ARL9: variants seen among roughly 807,000 people sequenced by gnomAD.
ARL9 encodes ARF like GTPase 9.
A neutral mutation model predicts 27.0 loss-of-function variants in ARL9; 14 were observed. The observed-to-expected ratio is 0.52, with a 90% CI of 0.34 to 0.81. The LOEUF is 0.81. ARL9 is among the 30% of genes least tolerant of loss of function. The pLI, the probability that ARL9 is intolerant of heterozygous loss-of-function variation, is 0.01. For missense variants in ARL9, 294 were observed against 290.0 expected, an observed-to-expected ratio of 1.01 and a Z score of -0.10; for synonymous variants, 106 against 108.7, an observed-to-expected ratio of 0.98 and a Z score of 0.15.
chr4:56,508,536 G>A (rs1432293013), intron 1 of ARL9, among the ~76,000 whole-genome samples: 2 of 152,040 alleles, frequency 1.3e-5, no homozygotes, highest in Non-Finnish European at 2.9e-5. Flanking sequence ...ACTGGCATTC[G>A]CCACCACGCC....
chr4:56,516,649 A>G (rs1047037694), intron 2 of ARL9, among the ~76,000 whole-genome samples: 3 of 151,936 alleles, frequency 2.0e-5, no homozygotes, highest in Non-Finnish European at 4.4e-5. Flanking sequence ...AAGAGGATGC[A>G]GCTGGGTGCA....
rs547576835 is a variant in ARL9, at chr4:56,509,833, G to A, written c.280-1352G>A. ...AGCAATTCTCCTGCCTCAGCCTCCC[G>A]TGTAGCTGGGACTACAGGTGCCTGC... On this transcript the variant is annotated intron_variant, in intron 1 of 3. Coordinates refer to ENST00000640821, the MANE Select transcript of ARL9 (RefSeq NM_001363794.2). Among the ~76,000 whole-genome samples the A allele has an allele frequency of 1.4e-4, 21 of 149,854 alleles. No individual in the cohort carries two copies. The East Asian group carries it at 2.0e-3, about 15-fold the overall frequency.
chr4:56,519,001 T>TAG (rs1383724606), intron 3 of ARL9, 148 bp downstream of exon 3: 6 of 782,106 alleles, frequency 7.7e-6, no homozygotes, highest in Non-Finnish European at 7.9e-6. Context: ...ACCTTGAGGG[T>TAG]AGAGACTGTT....
intron 3 of ARL9, among the ~76,000 whole-genome samples, chr4:56,519,515 CAGG>C (rs576307372): frequency 3.9e-4 from 59 of 152,058 alleles, no homozygotes; most frequent in Middle Eastern, 3.4e-3. Flanking sequence ...GAGGCTGAGG[CAGG>C]AGAATGGCGT....
Position 56,523,917 on chromosome 4 carries a change from A to G in ARL9, c.*41A>G, listed in dbSNP as rs766360815. On this transcript the variant is annotated 3_prime_UTR_variant, in exon 4 of 4. Coordinates refer to ENST00000640821, the MANE Select transcript of ARL9 (RefSeq NM_001363794.2). ...CTGTGCGGCTCACGACTGAGATGTCATCAGTGTTGAATGGCAGGCTTGAAG... is the reference window on the plus strand; with the variant it reads ...CTGTGCGGCTCACGACTGAGATGTCGTCAGTGTTGAATGGCAGGCTTGAAG... 4 of 1,560,498 alleles carry G rather than the reference A, an allele frequency of 2.6e-6. No homozygotes were observed. The highest frequency in any genetic ancestry group is 3.5e-6 in the Non-Finnish European group (4 of 1,152,768).
intron 3 of ARL9, among the ~76,000 whole-genome samples, chr4:56,521,819 T>C (rs1721927405): frequency 6.6e-6 from 1 of 152,224 alleles, no homozygotes; most frequent in Non-Finnish European, 1.5e-5. Flanking sequence ...TTATCTTTCT[T>C]ATTTCAGTTG....
intron 1 of ARL9, among the ~76,000 whole-genome samples, chr4:56,508,174 A>G (rs1347933869): frequency 1.3e-5 from 2 of 151,888 alleles, no homozygotes; most frequent in African/African-American, 4.8e-5. Flanking sequence ...TGGTGCCAGT[A>G]TTGCTTTAAA....
Position 56,523,740 on chromosome 4 carries a change from T to C in ARL9, c.662T>C (p.Leu221Ser). ...AYHITDIHEALALSEVGNDRK... is the reference protein window; with the variant it reads ...AYHITDIHEASALSEVGNDRK... ...CACATTACAGATATCCATGAAGCTT[T>C]GGCATTATCTGAAGTGGGAAATGAC... Residue 221 changes from leucine to serine, a missense_variant, in exon 4 of 4, where the codon TTG (leucine) becomes TCG (serine). Transcript: ENST00000640821. The C allele has an allele frequency of 6.2e-7, 1 of 1,613,992 alleles. No homozygotes were observed. Among genetic ancestry groups the C allele is most frequent in the Non-Finnish European group, 8.5e-7 (1 of 1,179,870 alleles).
chr4:56,506,103 A>G lies in ARL9; in HGVS notation c.241A>G (p.Lys81Glu). 1.6e-6 allele frequency: 2 copies of G among 1,233,958 alleles called. No homozygotes were observed. Among genetic ancestry groups the G allele is most frequent in the Non-Finnish European group, 1.0e-6 (1 of 989,384 alleles). 76.4% of individuals were successfully genotyped at this position (1,233,958 alleles called of 1,614,324 possible). ...GGGACAAGAAGAGAAAGGGGAGAAC[A>G]AGGACAGCACCTTGACAAGGACCCC... ...FKGQEEKGEN[K>E]DSTLTRTPLE... Residue 81 changes from lysine (K) to glutamate (E), a missense_variant, in exon 1 of 4, where the codon AAG becomes GAG. By Grantham distance (56) the Lys-to-Glu change is moderately conservative (BLOSUM62 1). Coordinates refer to ENST00000640821, the MANE Select transcript of ARL9 (RefSeq NM_001363794.2).
At chr4:56,517,819 G>A (rs1183587871) in intron 2 of ARL9, among the ~76,000 whole-genome samples, 1 of 151,890 alleles carries the variant, frequency 6.6e-6, no homozygotes, top group African/African-American at 2.4e-5. Flanking sequence ...ATACCCACAG[G>A]ATCATATTAA....
intron 2 of ARL9, among the ~76,000 whole-genome samples, chr4:56,517,822 C>A (rs1164731251): frequency 1.3e-5 from 2 of 151,784 alleles, no homozygotes; most frequent in Non-Finnish European, 2.9e-5. Context: ...CCCACAGGAT[C>A]ATATTAACTC....
In ARL9 at chr4:56,511,234, C is replaced by A; in HGVS notation, c.329C>A (p.Thr110Asn). 6.2e-7 allele frequency: 1 copy of A among 1,612,520 alleles called. No homozygotes were observed. The highest frequency in any genetic ancestry group is 8.5e-7 in the Non-Finnish European group (1 of 1,179,128). ...CTGGGCCTGGATGGAGCAGGAAAAA[C>A]CAGTGTCCTGCACTCTCTAGCTTCA... ...LVLGLDGAGK[T>N]SVLHSLASNR... Residue 110 changes from threonine (T) to asparagine (N), a missense_variant, in exon 2 of 4, where the codon ACC (threonine) becomes AAC (asparagine). Thr to Asn is a moderately conservative substitution (Grantham distance 65). Transcript: ENST00000640821.
At chr4:56,507,323 T>C (rs1721494587) in intron 1 of ARL9, among the ~76,000 whole-genome samples, 1 of 151,960 alleles carries the variant, frequency 6.6e-6, no homozygotes, top group Non-Finnish European at 1.5e-5. Context: ...ATTTTTGTTT[T>C]TGTTTTTTTG....
chr4:56,521,453 T>G (rs931106610), intron 3 of ARL9, among the ~76,000 whole-genome samples: 1 of 152,198 alleles, frequency 6.6e-6, no homozygotes, highest in African/African-American at 2.4e-5. Context: ...TATGTGTCCC[T>G]TTGTGGATGT....
rs140602025 is a variant in ARL9 at position 56,523,321 on chromosome 4, G to A, written c.619-376G>A. Among the ~76,000 whole-genome samples, 1,361 of 152,288 alleles carry A rather than the reference G, an allele frequency of 8.9e-3. 20 individuals carry two copies. The highest frequency in any genetic ancestry group is 0.031 in the African/African-American group (1,284 of 41,570). On this transcript the variant is annotated intron_variant, in intron 3 of 3. Transcript: ENST00000640821. ...GGAGAATTGCTTGAACGTGGGAGGCGGAGGTTGCGGTGAGTCAAGATTGCG... is the reference window on the plus strand; with the variant it reads ...GGAGAATTGCTTGAACGTGGGAGGCAGAGGTTGCGGTGAGTCAAGATTGCG...
In ARL9 at chr4:56,506,679, C is replaced by G. The variant is rs988784487; in HGVS notation, c.279+538C>G. 4 of 985,246 alleles carry G rather than the reference C, an allele frequency of 4.1e-6. No homozygotes were observed. The African/African-American group carries it at 7.0e-5, about 17-fold the overall frequency. 61.0% of individuals were successfully genotyped at this position (985,246 alleles called of 1,614,324 possible). ...TAACTGACAGGTCTTAGAAACTTGG[C>G]ATTATTTGGGTCAGCTGAATGGTCT... is the stretch of plus-strand genomic sequence containing the variant. On this transcript the variant is annotated intron_variant, in intron 1 of 3. Transcript: ENST00000640821.
chr4:56,506,255 T>C (rs2110139585), intron 1 of ARL9, 114 bp downstream of exon 1: 3 of 1,043,998 alleles, frequency 2.9e-6, no homozygotes, highest in Non-Finnish European at 3.7e-6. Flanking sequence ...CGAATGGATC[T>C]CAACTGAGGG....
chr4:56,518,179 T>G (rs1721816833), intron 2 of ARL9, among the ~76,000 whole-genome samples: 1 of 150,876 alleles, frequency 6.6e-6, no homozygotes, highest in Non-Finnish European at 1.5e-5. Flanking sequence ...ACCATAGGCA[T>G]GCACCACCAC....
chr4:56,522,471 G>A (rs1399464597), intron 3 of ARL9, among the ~76,000 whole-genome samples: 1 of 151,682 alleles, frequency 6.6e-6, no homozygotes, highest in Non-Finnish European at 1.5e-5. Context: ...CACAATATTA[G>A]GTTATTTCCA....
Sources: gnomAD v4.1 joint callset for allele counts (sites outside exome capture counted in the v4.1 genomes callset) on GRCh38, gnomAD v4.1.1 for gene constraint, MANE v1.5 for transcripts, NCBI Gene and HGNC (gene_info 2026-07-23, HGNC 2026-07-21) for gene names.